The following ABL2 variants were observed in gnomAD, a reference collection of about 807,000 sequenced individuals.
ABL2 encodes the protein ABL proto-oncogene 2, non-receptor tyrosine kinase, also known as tyrosine-protein kinase ABL2.
A neutral mutation model predicts 107.7 loss-of-function variants in ABL2; 49 were observed. The ratio of observed to expected loss-of-function variants is 0.45; its 90% CI spans 0.36 to 0.58. The LOEUF (loss-of-function observed/expected upper bound fraction) is 0.58. ABL2 is among the 20% of genes least tolerant of loss of function. The pLI is 0.00. For synonymous variants in ABL2, 549 were observed against 548.6 expected (o/e 1.00, Z -0.01); for missense variants, 1,245 against 1,457.0 (o/e 0.85, Z 2.37).
intron 1 of ABL2, among the ~76,000 whole-genome samples, chr1:179,209,832 C>T (rs1662166700): frequency 6.6e-6 from 1 of 152,188 alleles, no homozygotes; most frequent in African/African-American, 2.4e-5. Flanking sequence ...CCCAAAATGG[C>T]CAGCTCTTAA....
intron 1 of ABL2, among the ~76,000 whole-genome samples, chr1:179,190,756 T>G (rs573680988): frequency 6.6e-6 from 1 of 152,266 alleles, no homozygotes; most frequent in South Asian, 2.1e-4. Flanking sequence ...AAAGATGCTC[T>G]AATCACCAGT....
intron 1 of ABL2, among the ~76,000 whole-genome samples, chr1:179,205,036 T>G (rs1400685571): frequency 6.6e-6 from 1 of 150,752 alleles, no homozygotes; most frequent in Non-Finnish European, 1.5e-5. Context: ...TTTCTTTTTT[T>G]TTTTTTTTGA....
intron 1 of ABL2, 122 bp downstream of exon 1, chr1:179,229,119 G>C: frequency 3.2e-6 from 4 of 1,242,716 alleles, no homozygotes; most frequent in Non-Finnish European, 4.4e-6. Context: ...AGCGGATTCC[G>C]CCCCCACTCT....
chr1:179,108,706 G>C lies in ABL2; in HGVS notation c.2561C>G (p.Pro854Arg), dbSNP rs1374429752. The C allele has an allele frequency of 3.1e-6, 5 of 1,614,116 alleles. No individual in the cohort carries two copies. In the Admixed American group the frequency reaches 8.3e-5, roughly 27 times the overall value. The change falls in exon 12 of 12, where the codon CCC (proline) becomes CGC (arginine). Residue 854 changes from proline to arginine, a missense_variant. Coordinates refer to ENST00000502732, the MANE Select transcript of ABL2 (RefSeq NM_007314.4). ...GAGAGGAAGAGCTGTGGCTCCTCTG[G>C]GCAATAACTTGGCTTTTGGTCTCTC... ...SRERPKAKLL[P>R]RGATALPLRT...
At chr1:179,130,723 A>ATT (rs1006826497) in intron 3 of ABL2, among the ~76,000 whole-genome samples, 42 of 114,612 alleles carry the variant, frequency 3.7e-4, no homozygotes, top group African/African-American at 1.6e-3. Context: ...ATCATTATTG[A>ATT]TTTTGTGTGT....
In ABL2 at chr1:179,133,348, C is replaced by T; in HGVS notation, c.184G>A (p.Gly62Arg). The T allele has an allele frequency of 6.2e-7, 1 of 1,614,090 alleles. No individual in the cohort carries two copies. Among genetic ancestry groups the T allele is most frequent in the African/African-American group, 1.3e-5 (1 of 74,982 alleles). ...CCTCCAGTCTTGTCTCCCTCAAATC[C>T]ATCCTCCACACAGCTGGCAAAGTGA... ...HDHFASCVED[G>R]FEGDKTGGSS... Residue 62 changes from glycine to arginine, a missense_variant, in exon 2 of 12, where the codon GGA (glycine) becomes AGA (arginine). By Grantham distance (125) the Gly-to-Arg change is moderately radical. This residue lies in a region of ABL2 where 164 missense variants were observed against 143.7 expected (regional missense o/e 1.14). Transcript: ENST00000502732.
chr1:179,189,635 T>C (rs1019337129), intron 1 of ABL2, among the ~76,000 whole-genome samples: 20 of 152,106 alleles, frequency 1.3e-4, no homozygotes, highest in Admixed American at 2.6e-4. Flanking sequence ...AGTCTGAGGA[T>C]AGAAAAAACA....
rs745792527 is a variant in ABL2, at chr1:179,117,215, GA to G, written c.1408+116del. 1.2e-5 allele frequency: 13 copies of G among 1,043,852 alleles called. No homozygotes were observed. In the African/African-American group the frequency reaches 2.1e-4, roughly 17 times the overall value. The allele number at this position is 1,043,852 out of a possible 1,614,324, so 64.7% of individuals were successfully genotyped here. On this transcript the variant is annotated intron_variant, in intron 8 of 11. Transcript: ENST00000502732. ...AACAAATGCTTGCTGAATAACTGAA[GA>G]AGAATGGCAGGTAAAGGTAGAGGAT...
rs745684708 is a variant in ABL2 at position 179,109,072 on chromosome 1, CCGT to C, written c.2192_2194del (p.Asp731del). The C allele has an allele frequency of 3.1e-6, 5 of 1,608,720 alleles. No homozygotes were observed. The Admixed American group carries it at 6.7e-5, about 22-fold the overall frequency. ...AGTGCCACTGCCCCCACCCCCACCA[CCGT>C]CGTCATTACAGAGGTTCCTCTGTGC... On this transcript the variant is annotated inframe_deletion, in exon 12 of 12. Coordinates refer to ENST00000502732, the MANE Select transcript of ABL2 (RefSeq NM_007314.4).
chr1:179,119,393 G>C (rs768851185), intron 6 of ABL2, among the ~76,000 whole-genome samples: 13 of 151,878 alleles, frequency 8.6e-5, no homozygotes, highest in Admixed American at 2.0e-4. Flanking sequence ...AAAATTAGCT[G>C]GGCGTGGTGA....
At chr1:179,200,242 T>G (rs1661588288) in intron 1 of ABL2, among the ~76,000 whole-genome samples, 1 of 151,656 alleles carries the variant, frequency 6.6e-6, no homozygotes, top group South Asian at 2.1e-4. Flanking sequence ...AGATGGGGTT[T>G]TGCCATGTTG....
rs28914520 is a variant in ABL2, at chr1:179,131,590, G to A, written c.221-109C>T. The A allele has an allele frequency of 4.0e-3, 4,395 of 1,089,136 alleles. 99 individuals are homozygous for A. The African/African-American group carries it at 0.052, about 13-fold the overall frequency. 67.5% of individuals were successfully genotyped at this position (1,089,136 alleles called of 1,614,324 possible). A position where few individuals can be genotyped will look rare whatever the true frequency, so the allele number is the denominator to read the frequency against. On this transcript the variant is annotated intron_variant, in intron 2 of 11. Transcript: ENST00000502732. ...CAGCTGCTGGCTCCAGAGTAGGAAA[G>A]AACTGTACAGTATAAAGTGTTATGA...
At chr1:179,211,907 T>C (rs1662297594) in intron 1 of ABL2, among the ~76,000 whole-genome samples, 1 of 152,040 alleles carries the variant, frequency 6.6e-6, no homozygotes, top group South Asian at 2.1e-4. Flanking sequence ...CCAGGTACAA[T>C]ATCTCTGAGT....
chr1:179,128,979 T>C (rs1380234440), intron 3 of ABL2, among the ~76,000 whole-genome samples: 1 of 152,092 alleles, frequency 6.6e-6, no homozygotes, highest in Non-Finnish European at 1.5e-5. Flanking sequence ...GCCACTGCGC[T>C]TGGCTGGTAG....
Position 179,101,997 on chromosome 1 carries a change from T to C in ABL2, c.*5721A>G, listed in dbSNP as rs1034232902. On this transcript the variant is annotated 3_prime_UTR_variant, in exon 12 of 12. Transcript: ENST00000502732. ...AAAGCAAGCTTTGCATTAGAATTTC[T>C]TTTTTTTTTTTTTTTTTTTTTTTTT... The C allele has an allele frequency of 4.0e-4, 3 of 7,458 alleles. No individual in the cohort carries two copies. The highest frequency in any genetic ancestry group is 3.4e-3 in the African/African-American group (3 of 894). 0.5% of individuals were successfully genotyped at this position (7,458 alleles called of 1,614,324 possible).
At chr1:179,178,331 G>A (rs1007339909) in intron 1 of ABL2, among the ~76,000 whole-genome samples, 4 of 147,930 alleles carry the variant, frequency 2.7e-5, no homozygotes, top group African/African-American at 1.0e-4. Flanking sequence ...GAACCCAGAA[G>A]GCAGAGGTGG....
At chr1:179,222,705 C>G (rs1403640830) in intron 1 of ABL2, among the ~76,000 whole-genome samples, 1 of 151,920 alleles carries the variant, frequency 6.6e-6, no homozygotes, top group East Asian at 1.9e-4. Context: ...TCACCAGGAA[C>G]CCACAAACTG....
chr1:179,192,181 G>A (rs1557988065), intron 1 of ABL2, among the ~76,000 whole-genome samples: 1 of 152,112 alleles, frequency 6.6e-6, no homozygotes, highest in Non-Finnish European at 1.5e-5. Flanking sequence ...ACAATCCACA[G>A]GAATACCTTG....
intron 1 of ABL2, among the ~76,000 whole-genome samples, chr1:179,141,000 C>G (rs1299244883): frequency 8.6e-5 from 13 of 151,196 alleles, no homozygotes; most frequent in African/African-American, 2.4e-4. Context: ...CCTGTAATCC[C>G]AACTACTCGG....
Sources: allele counts gnomAD v4.1 joint callset (sites outside exome capture counted in the v4.1 genomes callset), GRCh38; gene constraint gnomAD v4.1.1; regional missense constraint gnomAD v4.1.1; transcripts MANE v1.5; gene names NCBI Gene and HGNC (gene_info 2026-07-23, HGNC 2026-07-21).